The following TBC1D4 variants were observed in gnomAD, a reference collection of about 807,000 sequenced individuals.
TBC1D4 encodes TBC (Tre-2, BUB2, CDC16) domain-containing protein.
TBC1D4 carries 121 observed loss-of-function variants against 142.5 expected under a neutral mutation model. That is an observed-to-expected ratio of 0.85 (90% CI 0.73 to 0.99). The LOEUF (loss-of-function observed/expected upper bound fraction) is 0.99, where lower values mean the gene tolerates loss of function less well. TBC1D4 is among the 50% of genes least tolerant of loss of function. TBC1D4 has a pLI of 0.00. For synonymous variants in TBC1D4, 630 were observed against 628.2 expected, an observed-to-expected ratio of 1.00 and a Z score of -0.04; for missense variants, 1,475 against 1,606.6, an observed-to-expected ratio of 0.92 and a Z score of 1.40.
chr13:75,372,119 TA>T (rs1883253657), intron 1 of TBC1D4, among the ~76,000 whole-genome samples: 1 of 152,058 alleles, frequency 6.6e-6, no homozygotes, highest in South Asian at 2.1e-4. Context: ...TATGGAAAAA[TA>T]AAGAACGTTC....
chr13:75,371,199 G>A (rs536705472), intron 1 of TBC1D4, among the ~76,000 whole-genome samples: 2 of 152,312 alleles, frequency 1.3e-5, no homozygotes, highest in South Asian at 4.1e-4. Flanking sequence ...CAAAGCAATA[G>A]GAACAGACAA....
intron 1 of TBC1D4, among the ~76,000 whole-genome samples, chr13:75,478,844 C>T (rs142454493): frequency 2.6e-5 from 4 of 152,346 alleles, no homozygotes; most frequent in East Asian, 3.9e-4. Context: ...GTGTCAATGA[C>T]TGCGCTTGTC....
chr13:75,371,125 T>C (rs1883200193), intron 1 of TBC1D4, among the ~76,000 whole-genome samples: 1 of 150,166 alleles, frequency 6.7e-6, no homozygotes, highest in African/African-American at 2.5e-5. Context: ...CAAGAAAAAA[T>C]GGTGGGAGCT....
At chr13:75,367,596 G>A (rs1029405845) in intron 1 of TBC1D4, among the ~76,000 whole-genome samples, 1 of 151,742 alleles carries the variant, frequency 6.6e-6, no homozygotes. Context: ...AGAAAGAATA[G>A]CAATTTAAAC....
chr13:75,440,554 T>A (rs938685561), intron 1 of TBC1D4, among the ~76,000 whole-genome samples: 3 of 151,346 alleles, frequency 2.0e-5, no homozygotes, highest in Non-Finnish European at 4.4e-5. Flanking sequence ...TTTTACTATT[T>A]TTTAAAAAAA....
In TBC1D4 at chr13:75,482,122, A is replaced by G. The variant is rs558045779; in HGVS notation, c.-355T>C. Reference sequence around the variant, plus strand: ...GAGGGTCCCCGCGGCCGCCGGCTCCAGCGCTGCAGCCCCGCTGCGGCCGCC... The same window carrying G: ...GAGGGTCCCCGCGGCCGCCGGCTCCGGCGCTGCAGCCCCGCTGCGGCCGCC... On this transcript the variant is annotated 5_prime_UTR_variant, in exon 1 of 21. Coordinates refer to ENST00000377636, the MANE Select transcript of TBC1D4 (RefSeq NM_014832.5). 4.0e-3 allele frequency: 817 copies of G among 202,732 alleles called. 5 individuals carry two copies. The highest frequency in any genetic ancestry group is 0.018 in the African/African-American group (786 of 43,212). 12.6% of individuals were successfully genotyped at this position (202,732 alleles called of 1,614,324 possible).
At chr13:75,452,147 C>T (rs12870065) in intron 1 of TBC1D4, among the ~76,000 whole-genome samples, 15,931 of 151,980 alleles carry the variant, frequency 0.1, 961 homozygotes, top group Middle Eastern at 0.15. Flanking sequence ...CATGTTTATC[C>T]TTCCTTCCAA....
intron 1 of TBC1D4, among the ~76,000 whole-genome samples, chr13:75,427,026 G>A (rs1374069111): frequency 2.6e-5 from 4 of 152,080 alleles, no homozygotes; most frequent in African/African-American, 9.7e-5. Context: ...TCCAGCCTGG[G>A]CGACAAGAGA....
At position 75,476,561 on chromosome 13, in the gene TBC1D4, G is replaced by T. The variant is rs148274090; in HGVS notation, c.498+4709C>A. Among the ~76,000 whole-genome samples, 7 of 152,324 alleles carry T rather than the reference G, an allele frequency of 4.6e-5. No homozygotes were observed. In the East Asian group the frequency reaches 1.3e-3, roughly 29 times the overall value. ...TTCAACATTTGCATGGTCTTATGAT[G>T]TCTGGCAGAATAATGTCTATATCAG... On this transcript the variant is annotated intron_variant, in intron 1 of 20. Coordinates refer to ENST00000377636, the MANE Select transcript of TBC1D4 (RefSeq NM_014832.5).
chr13:75,290,535 A>G lies in TBC1D4; in HGVS notation c.3487-1425T>C. Among the ~76,000 whole-genome samples the G allele has an allele frequency of 1.3e-5, 2 of 152,192 alleles. 1 individual carries two copies. Reference sequence around the variant, plus strand: ...CTCTAAAAGCATAATATCTGATTCCAGTCAAGAAAGATATTTCTGAAAAAT... The same window carrying G: ...CTCTAAAAGCATAATATCTGATTCCGGTCAAGAAAGATATTTCTGAAAAAT... On this transcript the variant is annotated intron_variant, in intron 19 of 20. Coordinates refer to ENST00000377636, the MANE Select transcript of TBC1D4 (RefSeq NM_014832.5).
At position 75,374,248 on chromosome 13, in the gene TBC1D4, C is replaced by T. The variant is rs563956509; in HGVS notation, c.499-11641G>A. 3.0e-4 allele frequency among the ~76,000 whole-genome samples: 46 copies of T among 152,174 alleles called. 1 individual carries two copies. In the South Asian group the frequency reaches 8.1e-3, roughly 27 times the overall value. ...CTCTCTCCCTCCACAGAACTCAATC[C>T]GATGACACCATGACCTTTCAATTAA... On this transcript the variant is annotated intron_variant, in intron 1 of 20. Coordinates refer to ENST00000377636, the MANE Select transcript of TBC1D4 (RefSeq NM_014832.5).
intron 13 of TBC1D4, among the ~76,000 whole-genome samples, chr13:75,311,009 C>T (rs1294515608): frequency 2.0e-5 from 3 of 152,176 alleles, no homozygotes. Flanking sequence ...TGCAGTATTC[C>T]ATGTGCAACA....
intron 1 of TBC1D4, among the ~76,000 whole-genome samples, chr13:75,474,101 T>C (rs1353681288): frequency 6.6e-6 from 1 of 152,244 alleles, no homozygotes; most frequent in Non-Finnish European, 1.5e-5. Context: ...CATACTGGCA[T>C]AACTATACCC....
Position 75,310,111 on chromosome 13 carries a change from GA to G in TBC1D4, c.2423del (p.Leu808ProfsTer32), listed in dbSNP as rs1877596518. On this transcript the variant is annotated frameshift_variant, in exon 14 of 21. Transcript: ENST00000377636. LOFTEE classifies it high-confidence loss of function. ...DRNELLPLSP[L>X]SPTMEEEPLV... Reference sequence around the variant, plus strand: ...GCGGTTCCTCCTCCATGGTTGGAGAGAGGGGGGACAGTGGCAGCAGCTCGTT... The same window carrying G: ...GCGGTTCCTCCTCCATGGTTGGAGAGGGGGGGACAGTGGCAGCAGCTCGTT... 2 of 1,613,988 alleles carry G rather than the reference GA, an allele frequency of 1.2e-6. No homozygotes were observed. Among genetic ancestry groups the G allele is most frequent in the African/African-American group, 2.7e-5 (2 of 74,946 alleles).
Position 75,341,126 on chromosome 13 carries a change from G to T in TBC1D4, c.1610C>A (p.Ser537Tyr). ...GTGAAGTAGGAAATATCTTCTCACA[G>T]AAGGGCCTTCCCCGATGTGCACGTG... ...KTHVHIGEGP[S>Y]TISNSTIPEN... The change falls in exon 7 of 21, where the codon TCT (serine) becomes TAT (tyrosine). Residue 537 changes from serine to tyrosine, a missense_variant and splice_region_variant. Physicochemically the swap from Ser to Tyr is moderately radical, Grantham distance 144 (BLOSUM62 -2). Transcript: ENST00000377636. 1 of 1,612,584 alleles carries T rather than the reference G, an allele frequency of 6.2e-7. No individual in the cohort carries two copies. Among genetic ancestry groups the T allele is most frequent in the East Asian group, 2.2e-5 (1 of 44,814 alleles).
chr13:75,362,986 C>CT lies in TBC1D4; in HGVS notation c.499-380dup, dbSNP rs1441473060. ...GTTCCAACCATGAGGACAAAATAACCTTTTTTGATGAGGAGATTAAAACCT... is the reference window on the plus strand; with the variant it reads ...GTTCCAACCATGAGGACAAAATAACCTTTTTTTGATGAGGAGATTAAAACCT... On this transcript the variant is annotated intron_variant, in intron 1 of 20. Coordinates refer to ENST00000377636, the MANE Select transcript of TBC1D4 (RefSeq NM_014832.5). The surrounding 1 kb of genome is among the most constrained non-coding windows in gnomAD (Gnocchi z 4.2). Among the ~76,000 whole-genome samples the CT allele has an allele frequency of 1.3e-5, 2 of 152,074 alleles. No homozygotes were observed. Among genetic ancestry groups the CT allele is most frequent in the Admixed American group, 6.6e-5 (1 of 15,266 alleles).
At chr13:75,317,281 G>A (rs564962369) in intron 12 of TBC1D4, among the ~76,000 whole-genome samples, 44 of 152,204 alleles carry the variant, frequency 2.9e-4, no homozygotes, top group Non-Finnish European at 5.7e-4. Context: ...TGCATTTCTG[G>A]TGAAAAATTA....
intron 1 of TBC1D4, among the ~76,000 whole-genome samples, chr13:75,463,680 T>A (rs1888060664): frequency 6.6e-6 from 1 of 152,198 alleles, no homozygotes; most frequent in African/African-American, 2.4e-5. Context: ...ATTACTGATA[T>A]TAAGATGTGA....
chr13:75,469,481 T>A (rs1440404141), intron 1 of TBC1D4, among the ~76,000 whole-genome samples: 2 of 152,034 alleles, frequency 1.3e-5, no homozygotes, highest in Non-Finnish European at 2.9e-5. Context: ...ATACAAAAAA[T>A]GAATTTTGGC....
Sources: gnomAD v4.1 joint callset for allele counts (sites outside exome capture counted in the v4.1 genomes callset) on GRCh38, gnomAD v4.1.1 for gene constraint, Gnocchi (gnomAD v3.1) non-coding constraint, MANE v1.5 for transcripts, NCBI Gene and HGNC (gene_info 2026-07-23, HGNC 2026-07-21) for gene names.